PLSCR4: variants seen among roughly 807,000 people sequenced by gnomAD.
The protein encoded by PLSCR4 is phospholipid scramblase 4.
PLSCR4 carries 25 observed loss-of-function variants against 36.3 expected under a neutral mutation model. The ratio of observed to expected loss-of-function variants is 0.69; its 90% CI spans 0.50 to 0.96. The LOEUF (loss-of-function observed/expected upper bound fraction) is 0.96. Ranked by LOEUF, PLSCR4 falls within the 40% of genes least tolerant of loss-of-function variation. The probability of loss-of-function intolerance (pLI) is 0.00; values close to 1 mark genes in which losing one functional copy is unlikely to be tolerated. For synonymous variants in PLSCR4, 122 were observed against 132.9 expected (o/e 0.92, Z 0.56); for missense variants, 408 against 414.7 (o/e 0.98, Z 0.14).
At chr3:146,225,570 C>G (rs1231677402) in intron 1 of PLSCR4, among the ~76,000 whole-genome samples, 1 of 152,202 alleles carries the variant, frequency 6.6e-6, no homozygotes, top group Non-Finnish European at 1.5e-5. Context: ...GTCCCGAGCC[C>G]CGCCCCGCAG....
At chr3:146,199,708 G>T in intron 6 of PLSCR4, 105 bp downstream of exon 6, 1 of 909,428 alleles carries the variant, frequency 1.1e-6, no homozygotes, top group Non-Finnish European at 1.7e-6. Flanking sequence ...TTCCATTCTG[G>T]CTGGCAGGGC....
chr3:146,204,248 T>C (rs1377013723), intron 4 of PLSCR4, among the ~76,000 whole-genome samples: 1 of 151,898 alleles, frequency 6.6e-6, no homozygotes, highest in African/African-American at 2.4e-5. Context: ...AAGATTCATG[T>C]AATCTTCATG....
chr3:146,227,832 G>A (rs1390705222), intron 1 of PLSCR4, among the ~76,000 whole-genome samples: 1 of 152,142 alleles, frequency 6.6e-6, no homozygotes, highest in African/African-American at 2.4e-5. Context: ...AAGAAAAATA[G>A]CTCGCTCCTG....
In PLSCR4 at chr3:146,249,759, T is replaced by G. The variant is rs376932543; in HGVS notation, c.-22+1201A>C. On this transcript the variant is annotated intron_variant, in intron 1 of 8. Coordinates refer to ENST00000354952, the MANE Select transcript of PLSCR4 (RefSeq NM_020353.3). ...AGTAACAAAAATATTCAGTTAGGATTCTACTTATACGTTGTTTTAGAGAAA... is the reference window on the plus strand; with the variant it reads ...AGTAACAAAAATATTCAGTTAGGATGCTACTTATACGTTGTTTTAGAGAAA... Among the ~76,000 whole-genome samples, 105 of 152,162 alleles carry G rather than the reference T, an allele frequency of 6.9e-4. No homozygotes were observed. In the South Asian group the frequency reaches 8.9e-3, roughly 13 times the overall value.
chr3:146,235,145 T>C (rs1042269537), intron 1 of PLSCR4, among the ~76,000 whole-genome samples: 1 of 151,830 alleles, frequency 6.6e-6, no homozygotes, highest in African/African-American at 2.4e-5. Flanking sequence ...AAAAAGAAAA[T>C]CCAAAGATGA....
At chr3:146,243,779 C>A (rs548153129) in intron 1 of PLSCR4, among the ~76,000 whole-genome samples, 5 of 152,292 alleles carry the variant, frequency 3.3e-5, no homozygotes, top group African/African-American at 9.6e-5. Context: ...AGGAAACATT[C>A]TGAAAAGTCA....
intron 1 of PLSCR4, among the ~76,000 whole-genome samples, chr3:146,229,497 G>A (rs568249530): frequency 3.9e-4 from 59 of 152,152 alleles, no homozygotes; most frequent in African/African-American, 1.3e-3. Flanking sequence ...ACCCCACAGA[G>A]AGAAGGCATG....
chr3:146,233,468 T>C (rs1401030867), intron 1 of PLSCR4, among the ~76,000 whole-genome samples: 1 of 152,144 alleles, frequency 6.6e-6, no homozygotes, highest in African/African-American at 2.4e-5. Flanking sequence ...AATGAAAATT[T>C]CTAATATTTT....
rs1216377555 is a variant in PLSCR4 at position 146,193,217 on chromosome 3, G to A, written c.*1194C>T. 2.6e-5 allele frequency: 4 copies of A among 152,100 alleles called. No individual in the cohort carries two copies. Among genetic ancestry groups the A allele is most frequent in the Admixed American group, 6.5e-5 (1 of 15,274 alleles). 9.4% of individuals were successfully genotyped at this position (152,100 alleles called of 1,614,324 possible). A position where few individuals can be genotyped will look rare whatever the true frequency, so the allele number is the denominator to read the frequency against. On this transcript the variant is annotated 3_prime_UTR_variant, in exon 9 of 9. Coordinates refer to ENST00000354952, the MANE Select transcript of PLSCR4 (RefSeq NM_020353.3). Reference sequence around the variant, plus strand: ...ACATATTATTTACTGGCATGCTGTAGACCATAGAGAAATAGAATGTTTACT... The same window carrying A: ...ACATATTATTTACTGGCATGCTGTAAACCATAGAGAAATAGAATGTTTACT...
chr3:146,247,572 A>G (rs2036386950), intron 1 of PLSCR4, among the ~76,000 whole-genome samples: 1 of 152,156 alleles, frequency 6.6e-6, no homozygotes, highest in Non-Finnish European at 1.5e-5. Flanking sequence ...TTAAAATTTT[A>G]TATTAAAATT....
intron 6 of PLSCR4, among the ~76,000 whole-genome samples, chr3:146,197,448 A>C (rs1324374606): frequency 6.6e-6 from 1 of 152,176 alleles, no homozygotes; most frequent in African/African-American, 2.4e-5. Flanking sequence ...TCTATTAAAC[A>C]GTTAAGCTGA....
At chr3:146,248,818 G>A (rs1236160698) in intron 1 of PLSCR4, among the ~76,000 whole-genome samples, 1 of 152,114 alleles carries the variant, frequency 6.6e-6, no homozygotes. Flanking sequence ...CCCTAAAACA[G>A]CTTCACCAAT....
chr3:146,237,702 A>G (rs1031370112), intron 1 of PLSCR4, among the ~76,000 whole-genome samples: 3 of 152,058 alleles, frequency 2.0e-5, no homozygotes, highest in African/African-American at 7.2e-5. Context: ...AAGTACAGCC[A>G]AAGCAATGTT....
chr3:146,200,376 A>G (rs1286001846), intron 5 of PLSCR4, among the ~76,000 whole-genome samples: 1 of 152,088 alleles, frequency 6.6e-6, no homozygotes, highest in Non-Finnish European at 1.5e-5. Context: ...TATACATTTG[A>G]CCATTAATTA....
At chr3:146,196,193 A>C (rs189928809) in intron 7 of PLSCR4, among the ~76,000 whole-genome samples, 5 of 152,292 alleles carry the variant, frequency 3.3e-5, no homozygotes, top group African/African-American at 1.2e-4. Flanking sequence ...GAGGATGCTG[A>C]CAGACTTGTA....
At chr3:146,225,289 G>T (rs1479009944) in intron 1 of PLSCR4, among the ~76,000 whole-genome samples, 1 of 152,340 alleles carries the variant, frequency 6.6e-6, no homozygotes, top group South Asian at 2.1e-4. Flanking sequence ...ACAGGGTGCT[G>T]ATTGGTGTAT....
chr3:146,237,723 T>C (rs1446539689), intron 1 of PLSCR4, among the ~76,000 whole-genome samples: 7 of 151,948 alleles, frequency 4.6e-5, no homozygotes, highest in Non-Finnish European at 1.0e-4. Flanking sequence ...TTGAGGCAAA[T>C]TTATAGTTGT....
intron 3 of PLSCR4, among the ~76,000 whole-genome samples, chr3:146,215,810 T>C (rs947093702): frequency 1.2e-4 from 19 of 152,220 alleles, no homozygotes; most frequent in Non-Finnish European, 2.4e-4. Flanking sequence ...AATGGTGTTA[T>C]GTCTCCCTAA....
chr3:146,200,583 C>T (rs982716229), intron 5 of PLSCR4, among the ~76,000 whole-genome samples: 3 of 151,968 alleles, frequency 2.0e-5, no homozygotes, highest in African/African-American at 7.2e-5. Flanking sequence ...ACTTCCAAAG[C>T]GAGGGCACTG....
Sources: allele counts gnomAD v4.1 joint callset (sites outside exome capture counted in the v4.1 genomes callset), GRCh38; gene constraint gnomAD v4.1.1; transcripts MANE v1.5; gene names NCBI Gene and HGNC (gene_info 2026-07-23, HGNC 2026-07-21).